Variants in DNAI4 observed in about 807,000 individuals in gnomAD.
The protein encoded by DNAI4 is WD repeat domain 78.
A neutral mutation model predicts 105.8 loss-of-function variants in DNAI4; 85 were observed. That is an observed-to-expected ratio of 0.80 (90% CI 0.67 to 0.96). DNAI4 has a LOEUF of 0.96. Ranked by LOEUF, DNAI4 falls within the 40% of genes least tolerant of loss-of-function variation. DNAI4 has a pLI of 0.00. For missense variants in DNAI4, 1,014 were observed against 1,005.6 expected, an observed-to-expected ratio of 1.01 and a Z score of -0.11; for synonymous variants, 352 against 331.5, an observed-to-expected ratio of 1.06 and a Z score of -0.67.
chr1:66,907,946 C>T (rs1649382779), intron 1 of DNAI4, among the ~76,000 whole-genome samples: 1 of 152,126 alleles, frequency 6.6e-6, no homozygotes, highest in Non-Finnish European at 1.5e-5. Context: ...TTGATTCTAC[C>T]ATGCTTTATT....
rs1006896788 is a variant in DNAI4 at position 66,843,851 on chromosome 1, A to G, written c.1292-3180T>C. Among the ~76,000 whole-genome samples the G allele has an allele frequency of 5.3e-5, 8 of 152,146 alleles. No individual in the cohort carries two copies. The South Asian group carries it at 6.2e-4, about 12-fold the overall frequency. ...ATTACTAGGCTCTCTATTCTGTTCTATTCTATATATTTGTTTATTCTCTTG... is the reference window on the plus strand; with the variant it reads ...ATTACTAGGCTCTCTATTCTGTTCTGTTCTATATATTTGTTTATTCTCTTG... On this transcript the variant is annotated intron_variant, in intron 8 of 16. Coordinates refer to ENST00000371026, the MANE Select transcript of DNAI4 (RefSeq NM_024763.5).
intron 7 of DNAI4, among the ~76,000 whole-genome samples, chr1:66,854,551 C>G (rs1230396672): frequency 6.6e-6 from 1 of 152,206 alleles, no homozygotes; most frequent in Non-Finnish European, 1.5e-5. Flanking sequence ...CACCTGTAAT[C>G]CCAGCACTGG....
At position 66,835,761 on chromosome 1, in the gene DNAI4, TA is replaced by T. The variant is rs750869946; in HGVS notation, c.1597del (p.Tyr533IlefsTer20). 1.2e-6 allele frequency: 2 copies of T among 1,614,094 alleles called. No homozygotes were observed. Among genetic ancestry groups the T allele is most frequent in the South Asian group, 2.2e-5 (2 of 91,074 alleles). ...IKNPMWPERI[Y>X]QSPYGVTAVD... ...AGCAGTAACTCCATATGGACTCTGA[TA>T]AATACGTTCTGGCCACTAAATTTTA... On this transcript the variant is annotated frameshift_variant, in exon 11 of 17. Transcript: ENST00000371026. LOFTEE classifies it high-confidence loss of function.
chr1:66,838,166 G>A (rs17496235), intron 9 of DNAI4, among the ~76,000 whole-genome samples: 8,920 of 152,260 alleles, frequency 0.059, 367 homozygotes, highest in Non-Finnish European at 0.083. Context: ...TAAGTTAAAG[G>A]TAGCTGCCAT....
intron 3 of DNAI4, among the ~76,000 whole-genome samples, chr1:66,892,712 T>C (rs1425703429): frequency 6.6e-6 from 1 of 151,790 alleles, no homozygotes; most frequent in Non-Finnish European, 1.5e-5. Context: ...TCGAGATCAG[T>C]CTGGCTAACA....
intron 4 of DNAI4, among the ~76,000 whole-genome samples, chr1:66,885,855 A>G (rs1204675863): frequency 6.6e-6 from 1 of 151,210 alleles, no homozygotes; most frequent in Non-Finnish European, 1.5e-5. Context: ...TTTTGCTTTG[A>G]TATTTATCTT....
At chr1:66,846,565 TAG>T (rs1646280055) in intron 8 of DNAI4, among the ~76,000 whole-genome samples, 1 of 152,236 alleles carries the variant, frequency 6.6e-6, no homozygotes, top group African/African-American at 2.4e-5. Context: ...AGCTAACTTT[TAG>T]AGTCTCCAAA....
intron 15 of DNAI4, among the ~76,000 whole-genome samples, chr1:66,826,315 T>G (rs1226844737): frequency 6.6e-6 from 1 of 152,158 alleles, no homozygotes; most frequent in Admixed American, 6.5e-5. Context: ...TCTTTTTTTT[T>G]TGAGACAGAG....
At chr1:66,835,587 A>C (rs1278303805) in intron 11 of DNAI4, 39 bp downstream of exon 11, 5 of 1,590,242 alleles carry the variant, frequency 3.1e-6, no homozygotes, top group Non-Finnish European at 4.3e-6. Flanking sequence ...CTCCTGAAAA[A>C]GCATGTATTA....
At chr1:66,920,997 C>T (rs1208272819) in intron 1 of DNAI4, among the ~76,000 whole-genome samples, 1 of 152,092 alleles carries the variant, frequency 6.6e-6, no homozygotes, top group East Asian at 1.9e-4. Context: ...TAAGGCATAT[C>T]AAAAGGTACA....
At chr1:66,893,171 T>C (rs1335317129) in intron 3 of DNAI4, 58 bp downstream of exon 3, 6 of 1,025,012 alleles carry the variant, frequency 5.9e-6, no homozygotes, top group Non-Finnish European at 6.6e-6. Flanking sequence ...ATTTGCAATT[T>C]AAATGGAAAG....
rs1557908163 is a variant in DNAI4 at position 66,836,196 on chromosome 1, GAAAGAA to G, written c.1582-425_1582-420del. On this transcript the variant is annotated intron_variant, in intron 10 of 16. Coordinates refer to ENST00000371026, the MANE Select transcript of DNAI4 (RefSeq NM_024763.5). The stretch of plus-strand genomic sequence containing the variant: ...AGAAAGAAAGAAAGAAAGAAAGAAA[GAAAGAA>G]AGAAAGAGAGAGAGAGAGAGAGAGA... Among the ~76,000 whole-genome samples, 28 of 66,470 alleles carry G rather than the reference GAAAGAA, an allele frequency of 4.2e-4. 1 individual carries two copies. Among genetic ancestry groups the G allele is most frequent in the Non-Finnish European group, 6.4e-4 (20 of 31,166 alleles). 43.6% of individuals were successfully genotyped at this position (66,470 alleles called of 152,430 possible).
intron 7 of DNAI4, among the ~76,000 whole-genome samples, chr1:66,858,612 C>T (rs1001710913): frequency 3.4e-5 from 5 of 146,286 alleles, no homozygotes; most frequent in Admixed American, 1.4e-4. Flanking sequence ...AAGAATTATA[C>T]AACATAATCA....
chr1:66,841,839 T>C (rs776536825), intron 8 of DNAI4, among the ~76,000 whole-genome samples: 2 of 152,194 alleles, frequency 1.3e-5, no homozygotes, highest in African/African-American at 4.8e-5. Flanking sequence ...TCAAAGTCCA[T>C]AGTTTTACAT....
At chr1:66,848,185 A>G in intron 7 of DNAI4, 1 of 456,172 alleles carries the variant, frequency 2.2e-6, no homozygotes, top group Non-Finnish European at 4.4e-6. Context: ...TTAAAGGAGA[A>G]TTTGTTTCCT....
At chr1:66,915,007 T>G (rs568931620) in intron 1 of DNAI4, among the ~76,000 whole-genome samples, 3 of 152,238 alleles carry the variant, frequency 2.0e-5, no homozygotes, top group Non-Finnish European at 4.4e-5. Context: ...GCATACATTT[T>G]GTTTGCATTT....
At chr1:66,828,060 T>C (rs1645792148) in intron 13 of DNAI4, 150 bp from the exon 14 acceptor site, 5 of 444,798 alleles carry the variant, frequency 1.1e-5, no homozygotes. Flanking sequence ...TCTTTTTCTT[T>C]TGTCATGATT....
chr1:66,876,570 T>C (rs1646963421), intron 4 of DNAI4, among the ~76,000 whole-genome samples: 1 of 152,092 alleles, frequency 6.6e-6, no homozygotes, highest in Admixed American at 6.6e-5. Context: ...GGATGGCAAA[T>C]AGGATTTTTG....
intron 7 of DNAI4, among the ~76,000 whole-genome samples, chr1:66,853,293 T>C (rs1646434747): frequency 6.6e-6 from 1 of 152,236 alleles, no homozygotes; most frequent in Admixed American, 6.5e-5. Context: ...CACAGGTTTA[T>C]GGATTGACGA....
Sources: gnomAD v4.1 joint callset for allele counts (sites outside exome capture counted in the v4.1 genomes callset) on GRCh38, gnomAD v4.1.1 for gene constraint, MANE v1.5 for transcripts, NCBI Gene and HGNC (gene_info 2026-07-23, HGNC 2026-07-21) for gene names.